ZNF827: variants seen among roughly 807,000 people sequenced by gnomAD.
ZNF827 encodes the protein zinc finger protein 827.
A neutral mutation model predicts 102.4 loss-of-function variants in ZNF827; 13 were observed. The ratio of observed to expected loss-of-function variants is 0.13; its 90% confidence interval spans 0.08 to 0.20. The LOEUF (loss-of-function observed/expected upper bound fraction) is 0.20, where lower values mean the gene tolerates loss of function less well. Ranked by LOEUF, ZNF827 falls within the 10% of genes least tolerant of loss-of-function variation. The pLI is 1.00. For synonymous variants in ZNF827, 523 were observed against 536.2 expected (o/e 0.98, Z 0.34); for missense variants, 1,103 against 1,344.4 (o/e 0.82, Z 2.81).
At chr4:145,850,205 TC>T (rs1429126758) in intron 5 of ZNF827, among the ~76,000 whole-genome samples, 5 of 152,090 alleles carry the variant, frequency 3.3e-5, no homozygotes, top group African/African-American at 1.2e-4. Flanking sequence ...AGACAGGGTT[TC>T]CCCATGTTGA....
At chr4:145,866,685 T>C (rs899598209) in intron 5 of ZNF827, among the ~76,000 whole-genome samples, 4 of 152,258 alleles carry the variant, frequency 2.6e-5, no homozygotes, top group East Asian at 1.9e-4. Flanking sequence ...TTTTTGTGTG[T>C]GGAATTCATA....
rs1411944461 is a variant in ZNF827, at chr4:145,760,960, A to T, written c.*656T>A. 1 of 1,236,460 alleles carries T rather than the reference A, an allele frequency of 8.1e-7. No homozygotes were observed. Among genetic ancestry groups the T allele is most frequent in the Admixed American group, 2.9e-5 (1 of 34,740 alleles). 76.6% of individuals were successfully genotyped at this position (1,236,460 alleles called of 1,614,324 possible). A position where few individuals can be genotyped will look rare whatever the true frequency, so the allele number is the denominator to read the frequency against. ...AAAATCTGAGTTCCGGTACTTGTCA[A>T]AGCGCAAAGGGGAGCCGTTGAAGGC... On this transcript the variant is annotated 3_prime_UTR_variant, in exon 15 of 15. Transcript: ENST00000508784.
In ZNF827 at chr4:145,775,908, T is replaced by G; in HGVS notation, c.2574A>C (p.Ala858=). ...GGACGGTCAAGTGCTGGTTCAGATT[T>G]GCACGGCACTTAGCAGCATAGGGGC... ...HLCPYAAKCR[A]NLNQHLTVHS... is the part of the protein sequence containing the mutation. The change falls in exon 10 of 15, where the codon GCA becomes GCC. Residue 858 remains alanine (A), a synonymous_variant. Coordinates refer to ENST00000508784, the MANE Select transcript of ZNF827 (RefSeq NM_001306215.2). 6.2e-7 allele frequency: 1 copy of G among 1,614,226 alleles called. No individual in the cohort carries two copies. Among genetic ancestry groups the G allele is most frequent in the South Asian group, 1.1e-5 (1 of 91,084 alleles).
At chr4:145,912,898 T>C (rs1233109417) in intron 1 of ZNF827, among the ~76,000 whole-genome samples, 1 of 152,190 alleles carries the variant, frequency 6.6e-6, no homozygotes, top group African/African-American at 2.4e-5. Context: ...AGAAAACTAA[T>C]ATAAGTATAT....
chr4:145,907,742 C>T (rs767603795), intron 1 of ZNF827, among the ~76,000 whole-genome samples: 9 of 152,112 alleles, frequency 5.9e-5, no homozygotes, highest in Non-Finnish European at 5.9e-5. Context: ...ATTTCCATTG[C>T]TAATTTTACA....
chr4:145,767,600 C>G (rs1735501938), intron 11 of ZNF827, among the ~76,000 whole-genome samples: 1 of 152,040 alleles, frequency 6.6e-6, no homozygotes, highest in South Asian at 2.1e-4. Context: ...AGAACAAAAT[C>G]CTGAAAGTAG....
intron 4 of ZNF827, among the ~76,000 whole-genome samples, chr4:145,880,770 TA>T (rs1749593220): frequency 6.6e-6 from 1 of 152,186 alleles, no homozygotes; most frequent in Non-Finnish European, 1.5e-5. Context: ...AAGGAAGGGC[TA>T]AACTAAAAAT....
At position 145,765,498 on chromosome 4, in the gene ZNF827, C is replaced by T. The variant is rs751820757; in HGVS notation, c.3052+49G>A. On this transcript the variant is annotated intron_variant, in intron 12 of 14. Coordinates refer to ENST00000508784, the MANE Select transcript of ZNF827 (RefSeq NM_001306215.2). This position sits in a 1 kb window ranked among gnomAD's most constrained non-coding sequence, Gnocchi z 4.7. ...GCAGGGCTTATTCTCAAGAATGGGT[C>T]ATCCTGGGTGCGGAGGGTTGAGCAG... is the stretch of plus-strand genomic sequence containing the variant. 1.9e-6 allele frequency: 3 copies of T among 1,554,250 alleles called. No individual in the cohort carries two copies. The highest frequency in any genetic ancestry group is 2.6e-6 in the Non-Finnish European group (3 of 1,151,886).
At chr4:145,845,924 T>G in intron 7 of ZNF827, 32 bp downstream of exon 7, 1 of 1,613,234 alleles carries the variant, frequency 6.2e-7, no homozygotes, top group South Asian at 1.1e-5. Flanking sequence ...CCACACGGGG[T>G]GTTCTGGAGG....
chr4:145,777,446 C>T (rs142686187), intron 9 of ZNF827, among the ~76,000 whole-genome samples: 112 of 152,272 alleles, frequency 7.4e-4, no homozygotes, highest in African/African-American at 2.1e-3. Flanking sequence ...ACGGTATGTC[C>T]TTCATAATTT....
intron 2 of ZNF827, among the ~76,000 whole-genome samples, chr4:145,893,938 T>C (rs1579499296): frequency 6.6e-6 from 1 of 151,172 alleles, no homozygotes; most frequent in African/African-American, 2.4e-5. Context: ...ACTTAAGAGA[T>C]ATATACAAAA....
At chr4:145,938,313 A>G (rs1754386149) in intron 1 of ZNF827, 52 bp downstream of exon 1, 10 of 1,607,544 alleles carry the variant, frequency 6.2e-6, no homozygotes, top group Non-Finnish European at 8.5e-6. Flanking sequence ...GGGAAAGAGG[A>G]GAGGGAGGGC....
Position 145,862,370 on chromosome 4 carries a change from T to G in ZNF827, c.1981+7875A>C, listed in dbSNP as rs560815211. Among the ~76,000 whole-genome samples, 161 of 152,324 alleles carry G rather than the reference T, an allele frequency of 1.1e-3. 1 individual carries two copies. The highest frequency in any genetic ancestry group is 3.4e-3 in the African/African-American group (143 of 41,570). On this transcript the variant is annotated intron_variant, in intron 5 of 14. Coordinates refer to ENST00000508784, the MANE Select transcript of ZNF827 (RefSeq NM_001306215.2). ...CAAGAGAAGATTTCTCTGGGTATAG[T>G]AATATGTTGTTTTTACCTTATTAAA...
chr4:145,865,068 T>C (rs1748062159), intron 5 of ZNF827, among the ~76,000 whole-genome samples: 2 of 152,192 alleles, frequency 1.3e-5, no homozygotes, highest in African/African-American at 2.4e-5. Flanking sequence ...GTCTCCAACA[T>C]GGTCTTAGAT....
intron 8 of ZNF827, among the ~76,000 whole-genome samples, chr4:145,799,878 T>C (rs1258817107): frequency 2.0e-5 from 3 of 152,150 alleles, no homozygotes; most frequent in Non-Finnish European, 4.4e-5. Context: ...AAGCCAAGAA[T>C]GGCAGGATAA....
chr4:145,868,565 G>C (rs969108875), intron 5 of ZNF827, among the ~76,000 whole-genome samples: 1 of 152,134 alleles, frequency 6.6e-6, no homozygotes, highest in Non-Finnish European at 1.5e-5. Flanking sequence ...GTTCATGGCT[G>C]TTAGACATAT....
intron 7 of ZNF827, among the ~76,000 whole-genome samples, chr4:145,839,804 T>C (rs1315727199): frequency 2.0e-5 from 3 of 152,186 alleles, no homozygotes; most frequent in African/African-American, 7.2e-5. Flanking sequence ...TTAGGAGTTA[T>C]AAAAACGAGA....
intron 11 of ZNF827, among the ~76,000 whole-genome samples, chr4:145,770,026 C>T (rs375803143): frequency 3.3e-5 from 5 of 152,074 alleles, no homozygotes; most frequent in African/African-American, 9.7e-5. Flanking sequence ...GGCTGGGTGC[C>T]GTGGCTCACG....
intron 5 of ZNF827, among the ~76,000 whole-genome samples, chr4:145,863,357 A>C (rs1230404264): frequency 6.6e-6 from 1 of 152,204 alleles, no homozygotes; most frequent in East Asian, 1.9e-4. Context: ...TAAAATGTTA[A>C]ACACAGAGTT....
Sources: gnomAD v4.1 joint callset for allele counts (sites outside exome capture counted in the v4.1 genomes callset) on GRCh38, gnomAD v4.1.1 for gene constraint, Gnocchi (gnomAD v3.1) non-coding constraint, MANE v1.5 for transcripts, NCBI Gene and HGNC (gene_info 2026-07-23, HGNC 2026-07-21) for gene names.